NAA40: variants seen among roughly 807,000 people sequenced by gnomAD.
The protein encoded by NAA40 is N-alpha-acetyltransferase 40, NatD catalytic subunit.
A neutral mutation model predicts 36.6 loss-of-function variants in NAA40; 26 were observed. The ratio of observed to expected loss-of-function variants is 0.71; its 90% CI spans 0.52 to 0.98. The LOEUF (loss-of-function observed/expected upper bound fraction) is 0.98. Ranked by LOEUF, NAA40 falls within the 50% of genes least tolerant of loss-of-function variation. NAA40 has a pLI of 0.00. For missense variants in NAA40, 237 were observed against 306.5 expected (o/e 0.77, Z 1.69); for synonymous variants, 129 against 108.4 (o/e 1.19, Z -1.18).
rs1197570472 is a variant in NAA40 at position 63,956,865 on chromosome 11, C to T, written c.*2386C>T. 3 of 151,480 alleles carry T rather than the reference C, an allele frequency of 2.0e-5. No individual in the cohort carries two copies. Among genetic ancestry groups the T allele is most frequent in the Non-Finnish European group, 4.4e-5 (3 of 67,938 alleles). The allele number at this position is 151,480 out of a possible 1,614,324, so 9.4% of individuals were successfully genotyped here. ...GTTGTGGCCTGTAATCCCAGCTACT[C>T]GGGAGGCTGAGGCAGGAGACTCGCT... On this transcript the variant is annotated 3_prime_UTR_variant, in exon 8 of 8. Transcript: ENST00000377793.
Position 63,946,008 on chromosome 11 carries a change from T to G in NAA40, c.102+73T>G, listed in dbSNP as rs557173345. On this transcript the variant is annotated intron_variant, in intron 2 of 7. Transcript: ENST00000377793. ...GGTTTATAATTTGACTTATTTTGTC[T>G]CCACCCTGTGGCAGAATTGTGACAC... The G allele has an allele frequency of 7.6e-4, 1,068 of 1,400,296 alleles. 20 individuals carry two copies. The South Asian group carries it at 0.012, about 16-fold the overall frequency. 86.7% of individuals were successfully genotyped at this position (1,400,296 alleles called of 1,614,324 possible). A position where few individuals can be genotyped will look rare whatever the true frequency, so the allele number is the denominator to read the frequency against.
chr11:63,939,325 GC>G (rs1942068534), intron 1 of NAA40: 2 of 1,252,246 alleles, frequency 1.6e-6, no homozygotes, highest in Non-Finnish European at 1.0e-6. Flanking sequence ...CCCCCTCGGC[GC>G]CCCCAGCGTC....
chr11:63,954,077 G>A (rs1942324388), intron 7 of NAA40, 28 bp downstream of exon 7: 1 of 1,609,636 alleles, frequency 6.2e-7, no homozygotes, highest in Non-Finnish European at 8.5e-7. Flanking sequence ...GGCCCTTCTG[G>A]GTGGTAGGTG....
intron 6 of NAA40, among the ~76,000 whole-genome samples, chr11:63,953,727 C>T (rs929475497): frequency 2.6e-5 from 4 of 152,100 alleles, no homozygotes; most frequent in Non-Finnish European, 5.9e-5. Context: ...TCAAGTGATC[C>T]TCTAGCCTCA....
rs2134262755 is a variant in NAA40 at position 63,939,406 on chromosome 11, G to A, written c.6+304G>A. 15 of 1,180,094 alleles carry A rather than the reference G, an allele frequency of 1.3e-5. No homozygotes were observed. In the South Asian group the frequency reaches 4.7e-4, roughly 37 times the overall value. The allele number at this position is 1,180,094 out of a possible 1,614,324, so 73.1% of individuals were successfully genotyped here. Reference sequence around the variant, plus strand: ...ACCACCGTCCCCCGCGGGGACCCTGGGGTTAGCTTCCCGCTCCCCCAGGGT... The same window carrying A: ...ACCACCGTCCCCCGCGGGGACCCTGAGGTTAGCTTCCCGCTCCCCCAGGGT... On this transcript the variant is annotated intron_variant, in intron 1 of 7. Coordinates refer to ENST00000377793, the MANE Select transcript of NAA40 (RefSeq NM_024771.4).
intron 1 of NAA40, among the ~76,000 whole-genome samples, chr11:63,941,212 C>T (rs1456428580): frequency 6.6e-6 from 1 of 152,196 alleles, no homozygotes; most frequent in Non-Finnish European, 1.5e-5. Context: ...ATTCTCCTCC[C>T]TGAAACAGCT....
At chr11:63,939,571 C>T (rs1439760795) in intron 1 of NAA40, 1 of 816,178 alleles carries the variant, frequency 1.2e-6, no homozygotes, top group Non-Finnish European at 1.5e-6. Context: ...CACCTTGGGC[C>T]TCCCGAATCC....
rs1417529750 is a variant in NAA40 at position 63,956,394 on chromosome 11, G to A, written c.*1915G>A. 2 of 152,424 alleles carry A rather than the reference G, an allele frequency of 1.3e-5. No homozygotes were observed. Among genetic ancestry groups the A allele is most frequent in the Non-Finnish European group, 2.9e-5 (2 of 68,030 alleles). The allele number at this position is 152,424 out of a possible 1,614,324, so 9.4% of individuals were successfully genotyped here. On this transcript the variant is annotated 3_prime_UTR_variant, in exon 8 of 8. Transcript: ENST00000377793. Reference sequence around the variant, plus strand: ...TGGATTCCTGATACCTCTCACTCAAGGGGACCAAAAGGGACCCCCCCGTGT... The same window carrying A: ...TGGATTCCTGATACCTCTCACTCAAAGGGACCAAAAGGGACCCCCCCGTGT...
rs1337223483 is a variant in NAA40, at chr11:63,955,600, C to T, written c.*1121C>T. 1 of 152,704 alleles carries T rather than the reference C, an allele frequency of 6.5e-6. No individual in the cohort carries two copies. The highest frequency in any genetic ancestry group is 1.5e-5 in the Non-Finnish European group (1 of 68,082). The allele number at this position is 152,704 out of a possible 1,614,324, so 9.5% of individuals were successfully genotyped here. On this transcript the variant is annotated 3_prime_UTR_variant, in exon 8 of 8. Coordinates refer to ENST00000377793, the MANE Select transcript of NAA40 (RefSeq NM_024771.4). The stretch of plus-strand genomic sequence containing the variant: ...TCGCTGCCTCAGTGAGGCACTAGTG[C>T]CACTGCCGTGGCCCAGCCGGGCCAT...
chr11:63,952,739 C>T lies in NAA40; in HGVS notation c.411-17C>T, dbSNP rs759303046. 4 of 1,614,012 alleles carry T rather than the reference C, an allele frequency of 2.5e-6. No homozygotes were observed. The South Asian group carries it at 3.3e-5, about 13-fold the overall frequency. On this transcript the variant is annotated splice_polypyrimidine_tract_variant and intron_variant, in intron 5 of 7. Transcript: ENST00000377793. ...TGTCCCATCCTGCACGCTCACCTCT[C>T]TGCTTTCTTCACCTAGCTATGAAGT...
chr11:63,939,545 C>T, intron 1 of NAA40: 9 of 972,734 alleles, frequency 9.3e-6, no homozygotes, highest in Non-Finnish European at 9.8e-6. Flanking sequence ...GTCATATTGT[C>T]GGGGGCGTCA....
At chr11:63,952,191 G>T (rs764315957) in intron 3 of NAA40, 47 bp from the exon 4 acceptor site, 2 of 1,411,770 alleles carry the variant, frequency 1.4e-6, no homozygotes, top group Non-Finnish European at 9.9e-7. Flanking sequence ...CAGTGCCCTG[G>T]CAGGAGTGCT....
At chr11:63,939,826 G>A (rs1302836359) in intron 1 of NAA40, among the ~76,000 whole-genome samples, 1 of 152,072 alleles carries the variant, frequency 6.6e-6, no homozygotes, top group Non-Finnish European at 1.5e-5. Context: ...GGGAAGATGC[G>A]GGGAGGCGGG....
At chr11:63,939,513 G>A in intron 1 of NAA40, 1 of 1,004,216 alleles carries the variant, frequency 1.0e-6, no homozygotes, top group Non-Finnish European at 1.2e-6. Flanking sequence ...GAGGCCCAGA[G>A]GAAAGAAGGC....
At position 63,957,274 on chromosome 11, in the gene NAA40, T is replaced by G. The variant is rs1027143440; in HGVS notation, c.*2795T>G. On this transcript the variant is annotated 3_prime_UTR_variant, in exon 8 of 8. Coordinates refer to ENST00000377793, the MANE Select transcript of NAA40 (RefSeq NM_024771.4). ...TCAAAGGGAAAAAGTGATCTCTTCT[T>G]GCATTGGTTGTATTTGTATGTCACA... 2 of 151,694 alleles carry G rather than the reference T, an allele frequency of 1.3e-5. No individual in the cohort carries two copies. The highest frequency in any genetic ancestry group is 2.9e-5 in the Non-Finnish European group (2 of 67,978). The allele number at this position is 151,694 out of a possible 1,614,324, so 9.4% of individuals were successfully genotyped here. A position where few individuals can be genotyped will look rare whatever the true frequency, so the allele number is the denominator to read the frequency against.
At chr11:63,941,861 G>GT (rs1048581826) in intron 1 of NAA40, among the ~76,000 whole-genome samples, 6 of 151,824 alleles carry the variant, frequency 4.0e-5, no homozygotes, top group Non-Finnish European at 7.4e-5. Flanking sequence ...GCCTGGGTGT[G>GT]TTTTTTTTAA....
At chr11:63,940,806 T>A (rs1292839389) in intron 1 of NAA40, among the ~76,000 whole-genome samples, 1 of 152,212 alleles carries the variant, frequency 6.6e-6, no homozygotes, top group Non-Finnish European at 1.5e-5. Flanking sequence ...ACAAATAGTT[T>A]TGGGTATTAC....
intron 3 of NAA40, among the ~76,000 whole-genome samples, chr11:63,948,219 A>G (rs1216180530): frequency 6.6e-6 from 1 of 152,182 alleles, no homozygotes; most frequent in Non-Finnish European, 1.5e-5. Flanking sequence ...AAACTTGGAA[A>G]ATTATCTAGG....
At chr11:63,947,173 G>A (rs1430296684) in intron 3 of NAA40, among the ~76,000 whole-genome samples, 170 bp downstream of exon 3, 1 of 152,180 alleles carries the variant, frequency 6.6e-6, no homozygotes, top group East Asian at 1.9e-4. Context: ...TTGGGAGACC[G>A]AGGTGGGTGG....
Sources: gnomAD v4.1 joint callset for allele counts (sites outside exome capture counted in the v4.1 genomes callset) on GRCh38, gnomAD v4.1.1 for gene constraint, MANE v1.5 for transcripts, NCBI Gene and HGNC (gene_info 2026-07-23, HGNC 2026-07-21) for gene names.